The following ETV1 variants were observed in gnomAD, a reference collection of about 807,000 sequenced individuals.
ETV1 encodes ETS variant transcription factor 1.
A neutral mutation model predicts 62.3 loss-of-function variants in ETV1; 27 were observed. That is an observed-to-expected ratio of 0.43 (90% CI 0.32 to 0.60). The LOEUF is 0.60. Ranked by LOEUF, ETV1 falls within the 20% of genes least tolerant of loss-of-function variation. The pLI is 0.06. For synonymous variants in ETV1, 222 were observed against 199.6 expected, an observed-to-expected ratio of 1.11 and a Z score of -0.94; for missense variants, 605 against 605.8, an observed-to-expected ratio of 1.00 and a Z score of 0.01.
chr7:13,917,057 T>C (rs1784254558), intron 9 of ETV1, among the ~76,000 whole-genome samples: 1 of 151,818 alleles, frequency 6.6e-6, no homozygotes, highest in Non-Finnish European at 1.5e-5. Flanking sequence ...TGGCGAAAAA[T>C]AACAGTATAG....
intron 9 of ETV1, among the ~76,000 whole-genome samples, chr7:13,917,076 C>G (rs1297151955): frequency 6.6e-6 from 1 of 151,998 alleles, no homozygotes; most frequent in Non-Finnish European, 1.5e-5. Context: ...AGAATTTTAT[C>G]TACACAATTA....
chr7:13,919,890 CAGAG>C (rs34895274), intron 9 of ETV1, among the ~76,000 whole-genome samples: 38 of 149,208 alleles, frequency 2.5e-4, no homozygotes, highest in South Asian at 1.9e-3. Flanking sequence ...GACACACACA[CAGAG>C]AGAGAGAGAG....
In ETV1 at chr7:13,989,282, A is replaced by G; in HGVS notation, c.-102T>C. On this transcript the variant is annotated 5_prime_UTR_variant, in exon 2 of 14. Transcript: ENST00000430479. ...GCCTCCTTCACCTGGATCCAAAGAG[A>G]GCCAACAGAGTTCACAATTTACATA... 1 of 524,768 alleles carries G rather than the reference A, an allele frequency of 1.9e-6. No individual in the cohort carries two copies. The highest frequency in any genetic ancestry group is 3.3e-6 in the Non-Finnish European group (1 of 298,756). 32.5% of individuals were successfully genotyped at this position (524,768 alleles called of 1,614,324 possible). A position where few individuals can be genotyped will look rare whatever the true frequency, so the allele number is the denominator to read the frequency against.
intron 5 of ETV1, among the ~76,000 whole-genome samples, chr7:13,980,685 T>C (rs1266184548): frequency 3.9e-5 from 6 of 152,138 alleles, no homozygotes; most frequent in Non-Finnish European, 5.9e-5. Context: ...TGCACGTTAA[T>C]AGACCAGTTG....
intron 12 of ETV1, among the ~76,000 whole-genome samples, chr7:13,902,683 AC>A (rs1383282261): frequency 6.6e-6 from 1 of 152,184 alleles, no homozygotes; most frequent in Non-Finnish European, 1.5e-5. Context: ...ATCTCCTTAA[AC>A]AATAATTTCT....
At chr7:13,970,269 C>A (rs1469479827) in intron 6 of ETV1, among the ~76,000 whole-genome samples, 1,108 of 13,890 alleles carry the variant, frequency 0.08, 38 homozygotes, top group African/African-American at 0.22. Context: ...TCAAAACACA[C>A]ACACACACAC....
intron 7 of ETV1, 121 bp downstream of exon 7, chr7:13,938,996 A>T: frequency 1.1e-6 from 1 of 914,342 alleles, no homozygotes; most frequent in Non-Finnish European, 1.7e-6. Flanking sequence ...TGCATTACCT[A>T]ATTAGCTTGT....
chr7:13,949,633 G>A (rs1788566715), intron 6 of ETV1, among the ~76,000 whole-genome samples: 1 of 152,144 alleles, frequency 6.6e-6, no homozygotes, highest in African/African-American at 2.4e-5. Flanking sequence ...TCAGCCATCA[G>A]CAGAGTGCCT....
intron 9 of ETV1, among the ~76,000 whole-genome samples, chr7:13,923,286 A>G (rs1785056046): frequency 6.6e-6 from 1 of 152,232 alleles, no homozygotes; most frequent in South Asian, 2.1e-4. Flanking sequence ...AGCCCAAGCA[A>G]TGCTTACTAC....
At chr7:13,903,455 A>G (rs1365577958) in intron 12 of ETV1, among the ~76,000 whole-genome samples, 1 of 151,894 alleles carries the variant, frequency 6.6e-6, no homozygotes. Context: ...CTTACAGACG[A>G]CTTTCTATGT....
upstream of ETV1, chr7:13,991,419 A>G (rs943264162): frequency 6.6e-6 from 1 of 152,236 alleles, no homozygotes; most frequent in Admixed American, 6.5e-5. Context: ...TCCCGCAGCC[A>G]ATAACGAGCC....
In ETV1 at chr7:13,911,229, G is replaced by C; in HGVS notation, c.871+10C>G. On this transcript the variant is annotated intron_variant, in intron 10 of 13. Transcript: ENST00000430479. ...GTATTTACACGGAATTTCAGTGGTG[G>C]ACAACTTAACTTCTGTTCTGCTGGG... 1 of 1,604,354 alleles carries C rather than the reference G, an allele frequency of 6.2e-7. No homozygotes were observed. Among genetic ancestry groups the C allele is most frequent in the Non-Finnish European group, 8.5e-7 (1 of 1,171,428 alleles).
rs1229310001 is a variant in ETV1, at chr7:13,893,491, T to C, written c.*2375A>G. On this transcript the variant is annotated 3_prime_UTR_variant, in exon 14 of 14. Transcript: ENST00000430479. ...CACTACGTTAAAACAGCAAAACATA[T>C]AGTTTGTCCTTAAATATTATATAAC... 4.3e-6 allele frequency: 1 copy of C among 231,434 alleles called. No homozygotes were observed. 14.3% of individuals were successfully genotyped at this position (231,434 alleles called of 1,614,324 possible). A position where few individuals can be genotyped will look rare whatever the true frequency, so the allele number is the denominator to read the frequency against.
chr7:13,951,601 TAAAAGCTGACTGGTTACG>T (rs1018597890), intron 6 of ETV1, among the ~76,000 whole-genome samples: 1 of 152,188 alleles, frequency 6.6e-6, no homozygotes, highest in African/African-American at 2.4e-5. Flanking sequence ...CCCGGTCACA[TAAAAGCTGACTGGTTACG>T]AACATGGAGA....
At chr7:13,915,577 C>G (rs552295533) in intron 9 of ETV1, among the ~76,000 whole-genome samples, 1 of 151,980 alleles carries the variant, frequency 6.6e-6, no homozygotes, top group South Asian at 2.1e-4. Context: ...GTTTAAAATC[C>G]AAAGGTTTAC....
In ETV1 at chr7:13,902,941, T is replaced by C. The variant is rs116957507; in HGVS notation, c.1111-2102A>G. On this transcript the variant is annotated intron_variant, in intron 12 of 13. Coordinates refer to ENST00000430479, the MANE Select transcript of ETV1 (RefSeq NM_004956.5). ...GTCTTAGAGTTGTTTTAGTGTCATA[T>C]TCCTCATAAAGTTGAGGTAAATGGG... Among the ~76,000 whole-genome samples the C allele has an allele frequency of 5.6e-3, 852 of 152,344 alleles. 13 individuals carry two copies. Among genetic ancestry groups the C allele is most frequent in the Non-Finnish European group, 4.1e-3 (282 of 68,034 alleles).
chr7:13,986,891 T>C (rs534089714), intron 4 of ETV1: 28 of 503,100 alleles, frequency 5.6e-5, no homozygotes, highest in African/African-American at 4.7e-4. Context: ...TTTAAGAAAT[T>C]ATTTTAGTCA....
At chr7:13,938,321 A>T (rs747802949) in intron 7 of ETV1, among the ~76,000 whole-genome samples, 22 of 152,092 alleles carry the variant, frequency 1.4e-4, no homozygotes, top group Middle Eastern at 3.2e-3. Context: ...TTAATAGAAG[A>T]CCCCTTTGGG....
chr7:13,922,743 C>A (rs1292969604), intron 9 of ETV1, among the ~76,000 whole-genome samples: 4 of 152,160 alleles, frequency 2.6e-5, no homozygotes, highest in Non-Finnish European at 5.9e-5. Context: ...TATTTCTACT[C>A]CCTGTGTTCC....
Sources: gnomAD v4.1 joint callset for allele counts (sites outside exome capture counted in the v4.1 genomes callset) on GRCh38, gnomAD v4.1.1 for gene constraint, MANE v1.5 for transcripts, NCBI Gene and HGNC (gene_info 2026-07-23, HGNC 2026-07-21) for gene names.